The following BIN3 variants were observed in gnomAD, a reference collection of about 807,000 sequenced individuals.
The protein encoded by BIN3 is bridging integrator 3.
Under a neutral mutation model 38.2 loss-of-function variants are expected in BIN3, and 41 were observed. The observed-to-expected ratio is 1.07, with a 90% confidence interval of 0.84 to 1.39. BIN3 has a LOEUF of 1.39. Ranked by LOEUF, BIN3 falls within the 40% of genes most tolerant of loss-of-function variation. The pLI, the probability that BIN3 is intolerant of heterozygous loss-of-function variation, is 0.00. For missense variants in BIN3, 361 were observed against 324.3 expected (o/e 1.11, Z -0.87); for synonymous variants, 145 against 122.6 (o/e 1.18, Z -1.21).
chr8:22,653,044 T>C (rs1802950753), intron 1 of BIN3, among the ~76,000 whole-genome samples: 1 of 152,250 alleles, frequency 6.6e-6, no homozygotes, highest in African/African-American at 2.4e-5. Context: ...AAAAATCTCA[T>C]GTTTCCTCTG....
chr8:22,644,901 G>A (rs1802667700), intron 1 of BIN3, 98 bp from the exon 2 acceptor site: 8 of 1,077,316 alleles, frequency 7.4e-6, no homozygotes, highest in South Asian at 6.8e-5. Context: ...CCAGGAGGGC[G>A]AGGAAGCGTG....
intron 1 of BIN3, among the ~76,000 whole-genome samples, chr8:22,652,459 T>C (rs982567291): frequency 2.0e-5 from 3 of 152,208 alleles, no homozygotes; most frequent in South Asian, 2.1e-4. Context: ...TTCTGGGAAC[T>C]CGGCAATGGA....
intron 1 of BIN3, among the ~76,000 whole-genome samples, chr8:22,655,342 A>C (rs1470853070): frequency 6.6e-6 from 1 of 152,162 alleles, no homozygotes; most frequent in Non-Finnish European, 1.5e-5. Flanking sequence ...ATATGTAAGA[A>C]TCCTTTGACA....
At chr8:22,661,547 G>A (rs1450696287) in intron 1 of BIN3, among the ~76,000 whole-genome samples, 4 of 151,124 alleles carry the variant, frequency 2.6e-5, no homozygotes, top group Non-Finnish European at 5.9e-5. Flanking sequence ...TAGTAGAGAT[G>A]GGGTTTCACC....
intron 6 of BIN3, chr8:22,625,961 G>A (rs1391034109): frequency 6.5e-6 from 1 of 153,044 alleles, no homozygotes; most frequent in Admixed American, 6.4e-5. Context: ...CAGGGAGTAA[G>A]AGGATATTAA....
intron 1 of BIN3, among the ~76,000 whole-genome samples, chr8:22,660,596 G>A (rs923437632): frequency 2.0e-5 from 3 of 152,152 alleles, no homozygotes; most frequent in South Asian, 2.1e-4. Context: ...TCCCTACATC[G>A]TCCCCATCCC....
chr8:22,660,842 C>T (rs1458384086), intron 1 of BIN3, among the ~76,000 whole-genome samples: 1 of 152,170 alleles, frequency 6.6e-6, no homozygotes, highest in Non-Finnish European at 1.5e-5. Flanking sequence ...GCTGTTCAGG[C>T]TCCCTGAGTA....
rs746437989 is a variant in BIN3, at chr8:22,621,487, G to A, written c.697C>T (p.Arg233Trp). Residue 233 changes from arginine to tryptophan, a missense_variant, in exon 9 of 9, where the codon CGG becomes TGG. Coordinates refer to ENST00000276416, the MANE Select transcript of BIN3 (RefSeq NM_018688.6). ...AGTTTGGCCTCGTTCTCCCGCTCCC[G>A]CTGCTCATCGGAGTGGCCTGGCTGG... is the stretch of plus-strand genomic sequence containing the variant. ...LDQPGHSDEQ[R>W]ERENEAKLSE... 18 of 1,613,942 alleles carry A rather than the reference G, an allele frequency of 1.1e-5. No individual in the cohort carries two copies. The highest frequency in any genetic ancestry group is 1.6e-4 in the Middle Eastern group (1 of 6,062).
chr8:22,653,298 A>T (rs1802957533), intron 1 of BIN3, among the ~76,000 whole-genome samples: 1 of 152,206 alleles, frequency 6.6e-6, no homozygotes, highest in Non-Finnish European at 1.5e-5. Context: ...TCTAACAATC[A>T]TCACTCCTAT....
At chr8:22,645,540 G>A (rs906866963) in intron 1 of BIN3, among the ~76,000 whole-genome samples, 3 of 146,582 alleles carry the variant, frequency 2.0e-5, no homozygotes, top group East Asian at 2.0e-4. Flanking sequence ...GGGGAGGAAA[G>A]GAAAGGAAAG....
chr8:22,656,527 A>G (rs1803062214), intron 1 of BIN3, among the ~76,000 whole-genome samples: 1 of 152,224 alleles, frequency 6.6e-6, no homozygotes, highest in Non-Finnish European at 1.5e-5. Context: ...TGAAAATATG[A>G]TAAAATTCAT....
Position 22,630,552 on chromosome 8 carries a change from A to C in BIN3, c.187T>G (p.Ser63Ala), listed in dbSNP as rs1802161096. The part of the protein sequence containing the change: ...LAMSKSAVKI[S>A]LDLLSNPLCE... ...AGGGGATTGGAGAGTAAGTCCAAGG[A>C]TATCTTCACGGCAGATTTTGACATG... The change falls in exon 5 of 9, where the codon TCC becomes GCC. Residue 63 changes from serine to alanine, a missense_variant. By Grantham distance (99) the Ser-to-Ala change is moderately conservative (BLOSUM62 1). Coordinates refer to ENST00000276416, the MANE Select transcript of BIN3 (RefSeq NM_018688.6). The C allele has an allele frequency of 6.2e-7, 1 of 1,613,986 alleles. No homozygotes were observed. Among genetic ancestry groups the C allele is most frequent in the Non-Finnish European group, 8.5e-7 (1 of 1,179,864 alleles).
At chr8:22,627,569 ACT>A (rs1802041536) in intron 6 of BIN3, among the ~76,000 whole-genome samples, 1 of 151,464 alleles carries the variant, frequency 6.6e-6, no homozygotes, top group African/African-American at 2.4e-5. Context: ...GGCCCTGCTG[ACT>A]CTACCCAACC....
At chr8:22,653,827 G>A (rs1301477665) in intron 1 of BIN3, among the ~76,000 whole-genome samples, 1 of 150,688 alleles carries the variant, frequency 6.6e-6, no homozygotes, top group Non-Finnish European at 1.5e-5. Flanking sequence ...TGAGGCTGAA[G>A]CTTTGTAAGT....
chr8:22,658,926 C>A (rs939832816), intron 1 of BIN3, among the ~76,000 whole-genome samples: 1 of 152,186 alleles, frequency 6.6e-6, no homozygotes, highest in African/African-American at 2.4e-5. Flanking sequence ...GGAAGGTGGG[C>A]GAGAGGCAGC....
chr8:22,627,706 T>C (rs957928396), intron 6 of BIN3, among the ~76,000 whole-genome samples: 1 of 152,192 alleles, frequency 6.6e-6, no homozygotes, highest in African/African-American at 2.4e-5. Flanking sequence ...CTCCCACTCC[T>C]AGGTGCTGAC....
chr8:22,641,871 G>A (rs374593641), intron 2 of BIN3, among the ~76,000 whole-genome samples: 5 of 152,116 alleles, frequency 3.3e-5, no homozygotes, highest in African/African-American at 7.2e-5. Flanking sequence ...AAGGTGTGGC[G>A]GCTTCTTCCT....
chr8:22,653,523 C>G (rs867269530), intron 1 of BIN3, among the ~76,000 whole-genome samples: 7 of 152,204 alleles, frequency 4.6e-5, no homozygotes, highest in African/African-American at 1.7e-4. Context: ...ATTTCCAACT[C>G]AGGAGCCTGT....
intron 1 of BIN3, among the ~76,000 whole-genome samples, chr8:22,668,199 G>A (rs1803489115): frequency 4.6e-5 from 7 of 152,162 alleles, no homozygotes. Context: ...GAAAGCCCCA[G>A]GAAGGCAGGC....
Sources: allele counts gnomAD v4.1 joint callset (sites outside exome capture counted in the v4.1 genomes callset), GRCh38; gene constraint gnomAD v4.1.1; transcripts MANE v1.5; gene names NCBI Gene and HGNC (gene_info 2026-07-23, HGNC 2026-07-21).